The following GXYLT2 variants were observed in gnomAD, a reference collection of about 807,000 sequenced individuals.
GXYLT2 encodes glycosyltransferase 8 domain containing 4.
GXYLT2 carries 53 observed loss-of-function variants against 45.8 expected under a neutral mutation model. The ratio of observed to expected loss-of-function variants is 1.16; its 90% CI spans 0.93 to 1.46. The LOEUF is 1.46. Ranked by LOEUF, GXYLT2 falls within the 40% of genes most tolerant of loss-of-function variation. The probability of loss-of-function intolerance (pLI) is 0.00; values close to 1 mark genes in which losing one functional copy is unlikely to be tolerated. For synonymous variants in GXYLT2, 219 were observed against 214.2 expected, an observed-to-expected ratio of 1.02 and a Z score of -0.19; for missense variants, 551 against 544.4, an observed-to-expected ratio of 1.01 and a Z score of -0.12.
Position 72,902,490 on chromosome 3 carries a change from T to C in GXYLT2, c.276-5877T>C, listed in dbSNP as rs1342059714. Reference sequence around the variant, plus strand: ...TTTCCTGCTGAAGGTTACAGTGTCTTTTCAATTGAAAGGGAGGATTAGATA... The same window carrying C: ...TTTCCTGCTGAAGGTTACAGTGTCTCTTCAATTGAAAGGGAGGATTAGATA... On this transcript the variant is annotated intron_variant, in intron 1 of 6. Transcript: ENST00000389617. Among the ~76,000 whole-genome samples the C allele has an allele frequency of 2.6e-5, 4 of 152,340 alleles. No individual in the cohort carries two copies. In the East Asian group the frequency reaches 7.7e-4, roughly 29 times the overall value.
At chr3:72,960,201 G>A (rs1057176515) in intron 5 of GXYLT2, among the ~76,000 whole-genome samples, 3 of 152,148 alleles carry the variant, frequency 2.0e-5, no homozygotes, top group Non-Finnish European at 2.9e-5. Flanking sequence ...GATTATAGGC[G>A]TGAGCCACCA....
chr3:72,906,804 T>C (rs1297121397), intron 1 of GXYLT2, among the ~76,000 whole-genome samples: 1 of 152,174 alleles, frequency 6.6e-6, no homozygotes, highest in Non-Finnish European at 1.5e-5. Context: ...AGAATATGAC[T>C]ATGATTATGA....
intron 1 of GXYLT2, among the ~76,000 whole-genome samples, chr3:72,895,020 C>T (rs1390546378): frequency 6.6e-6 from 1 of 152,200 alleles, no homozygotes; most frequent in African/African-American, 2.4e-5. Flanking sequence ...GAACCTGGTG[C>T]TTTCCCCATT....
intron 3 of GXYLT2, among the ~76,000 whole-genome samples, chr3:72,953,659 C>T (rs1039785352): frequency 6.6e-6 from 1 of 152,180 alleles, no homozygotes; most frequent in Non-Finnish European, 1.5e-5. Flanking sequence ...CATGTTACAA[C>T]AGCAGATTTG....
intron 1 of GXYLT2, among the ~76,000 whole-genome samples, chr3:72,894,506 T>C (rs1709245253): frequency 6.6e-6 from 1 of 152,208 alleles, no homozygotes; most frequent in Non-Finnish European, 1.5e-5. Context: ...TTTTTAAAAA[T>C]TGGGATCAGA....
chr3:72,889,907 G>GTTTTT (rs5850087), intron 1 of GXYLT2, among the ~76,000 whole-genome samples: 2 of 118,786 alleles, frequency 1.7e-5, no homozygotes, highest in Non-Finnish European at 3.4e-5. Context: ...TTTTTTTTTT[G>GTTTTT]TTTTTTTTTT....
intron 6 of GXYLT2, among the ~76,000 whole-genome samples, chr3:72,972,934 G>GA (rs1390503764): frequency 6.6e-6 from 1 of 151,228 alleles, no homozygotes; most frequent in Non-Finnish European, 1.5e-5. Context: ...GCCTCTTTAG[G>GA]AAAAAAAATA....
At chr3:72,900,915 GA>G (rs767470368) in intron 1 of GXYLT2, among the ~76,000 whole-genome samples, 63 of 152,142 alleles carry the variant, frequency 4.1e-4, no homozygotes, top group Non-Finnish European at 6.8e-4. Flanking sequence ...AGCACTTTGG[GA>G]GGCCAAGGTG....
chr3:72,966,616 T>C (rs115611516), intron 5 of GXYLT2, among the ~76,000 whole-genome samples: 1,698 of 143,332 alleles, frequency 0.012, 30 homozygotes, highest in African/African-American at 0.04. Flanking sequence ...TTTATTTTTG[T>C]AATTTTTTTG....
rs189757959 is a variant in GXYLT2 at position 72,888,092 on chromosome 3, G to T, written c.-142G>T. 7 of 322,260 alleles carry T rather than the reference G, an allele frequency of 2.2e-5. No individual in the cohort carries two copies. The highest frequency in any genetic ancestry group is 2.6e-5 in the Non-Finnish European group (6 of 229,460). 20.0% of individuals were successfully genotyped at this position (322,260 alleles called of 1,614,324 possible). A position where few individuals can be genotyped will look rare whatever the true frequency, so the allele number is the denominator to read the frequency against. ...TTCGCCGTCGCCGCCGCCGCCGGCC[G>T]CCCGCCGGCCGCCACGACCCCAGTC... On this transcript the variant is annotated 5_prime_UTR_variant, in exon 1 of 7. Coordinates refer to ENST00000389617, the MANE Select transcript of GXYLT2 (RefSeq NM_001080393.2).
intron 3 of GXYLT2, among the ~76,000 whole-genome samples, chr3:72,945,569 T>TGAAGAGAAAATG (rs1180316128): frequency 2.0e-5 from 3 of 152,060 alleles, no homozygotes; most frequent in Non-Finnish European, 4.4e-5. Context: ...GGTGGTATGA[T>TGAAGAGAAAATG]GAAGAGAAAA....
chr3:72,905,370 G>A (rs181648912), intron 1 of GXYLT2, among the ~76,000 whole-genome samples: 407 of 152,216 alleles, frequency 2.7e-3, no homozygotes, highest in Admixed American at 4.4e-3. Flanking sequence ...TGCCCGCCTC[G>A]AACTCCTGCT....
At chr3:72,927,269 A>G (rs1193178217) in intron 3 of GXYLT2, 1 of 152,124 alleles carries the variant, frequency 6.6e-6, no homozygotes, top group Non-Finnish European at 1.5e-5. Context: ...CTGTAAATGT[A>G]TTCTGAAAGT....
At chr3:72,957,178 C>G in intron 4 of GXYLT2, 51 bp from the exon 5 acceptor site, 2 of 1,561,682 alleles carry the variant, frequency 1.3e-6, no homozygotes, top group Non-Finnish European at 1.7e-6. Flanking sequence ...TCTCAGTGGA[C>G]AAAATGTATT....
intron 3 of GXYLT2, among the ~76,000 whole-genome samples, chr3:72,937,087 T>A (rs1320037964): frequency 6.6e-6 from 1 of 152,206 alleles, no homozygotes; most frequent in Non-Finnish European, 1.5e-5. Flanking sequence ...TGCCTACCTA[T>A]CTATGTATAT....
chr3:72,935,217 A>G (rs1423882664), intron 3 of GXYLT2, among the ~76,000 whole-genome samples: 1 of 152,234 alleles, frequency 6.6e-6, no homozygotes, highest in Non-Finnish European at 1.5e-5. Flanking sequence ...TCAAGAATGG[A>G]ATATTTAGAG....
At chr3:72,919,736 C>T (rs142192700) in intron 2 of GXYLT2, among the ~76,000 whole-genome samples, 20 of 152,340 alleles carry the variant, frequency 1.3e-4, no homozygotes, top group African/African-American at 4.8e-4. Context: ...GTCTGGATGA[C>T]AGCGCGAGAC....
chr3:72,961,085 G>T (rs1381192170), intron 5 of GXYLT2, among the ~76,000 whole-genome samples: 1 of 152,186 alleles, frequency 6.6e-6, no homozygotes, highest in Non-Finnish European at 1.5e-5. Flanking sequence ...TAATTGCAGT[G>T]CTGGGTAATA....
At position 72,955,160 on chromosome 3, in the gene GXYLT2, T is replaced by C. The variant is rs762778083; in HGVS notation, c.663T>C (p.Pro221=). ...YVDTDVLFLR[P]VDDIWKLLRL... is the part of the protein sequence containing the mutation. ...ACACCGATGTCCTCTTTCTGAGACC[T>C]GTTGATGACATCTGGAAGCTTCTGA... The change falls in exon 4 of 7, where the codon CCT becomes CCC. Residue 221 remains proline (P), a synonymous_variant. Coordinates refer to ENST00000389617, the MANE Select transcript of GXYLT2 (RefSeq NM_001080393.2). 9.3e-6 allele frequency: 15 copies of C among 1,613,846 alleles called. No homozygotes were observed. Among genetic ancestry groups the C allele is most frequent in the Non-Finnish European group, 1.3e-5 (15 of 1,179,858 alleles).
Sources: allele counts gnomAD v4.1 joint callset (sites outside exome capture counted in the v4.1 genomes callset), GRCh38; gene constraint gnomAD v4.1.1; transcripts MANE v1.5; gene names NCBI Gene and HGNC (gene_info 2026-07-23, HGNC 2026-07-21).